The following NDST3 variants were observed in gnomAD, a reference collection of about 807,000 sequenced individuals.
NDST3 encodes bifunctional heparan sulfate N-deacetylase/N-sulfotransferase 3.
Under a neutral mutation model 96.1 loss-of-function variants are expected in NDST3, and 58 were observed. That is an observed-to-expected ratio of 0.60 (90% CI 0.49 to 0.75). The LOEUF (loss-of-function observed/expected upper bound fraction) is 0.75, where lower values mean the gene tolerates loss of function less well. Among genes scored for constraint, NDST3 ranks in the 30% least tolerant of loss-of-function variants. The pLI, the probability that NDST3 is intolerant of heterozygous loss-of-function variation, is 0.00. For missense variants in NDST3, 788 were observed against 1,034.2 expected (o/e 0.76, Z 3.27); for synonymous variants, 333 against 359.7 (o/e 0.93, Z 0.84).
chr4:118,187,375 A>T (rs1279390602), intron 6 of NDST3, among the ~76,000 whole-genome samples: 1 of 152,242 alleles, frequency 6.6e-6, no homozygotes, highest in Non-Finnish European at 1.5e-5. Flanking sequence ...TCCCAACCAC[A>T]GAAAGAGCGA....
intron 2 of NDST3, among the ~76,000 whole-genome samples, chr4:118,069,341 G>A (rs1158405213): frequency 2.0e-5 from 3 of 152,006 alleles, no homozygotes; most frequent in Admixed American, 6.6e-5. Flanking sequence ...GAATTATATA[G>A]GTGGGATAGA....
intron 2 of NDST3, among the ~76,000 whole-genome samples, chr4:118,066,299 TTATGTATTA>T (rs1348452768): frequency 5.2e-4 from 3 of 5,776 alleles, no homozygotes; most frequent in Non-Finnish European, 1.9e-3. Context: ...ATTATATATA[TTATGTATTA>T]TATATATTAT....
intron 6 of NDST3, among the ~76,000 whole-genome samples, chr4:118,186,216 G>A (rs1736947169): frequency 6.6e-6 from 1 of 152,062 alleles, no homozygotes; most frequent in Admixed American, 6.6e-5. Context: ...GTTTGGTCTG[G>A]TCTGCTGGGG....
intron 12 of NDST3, among the ~76,000 whole-genome samples, chr4:118,249,416 T>C (rs1192177954): frequency 3.9e-5 from 6 of 152,196 alleles, no homozygotes; most frequent in East Asian, 1.9e-4. Context: ...TCCCAAAGGC[T>C]TTCATGTACA....
chr4:118,225,972 A>G (rs1392702118), intron 7 of NDST3, among the ~76,000 whole-genome samples: 1 of 152,128 alleles, frequency 6.6e-6, no homozygotes, highest in Non-Finnish European at 1.5e-5. Context: ...ATTTCAGGTG[A>G]CAAGTTTTAA....
intron 6 of NDST3, among the ~76,000 whole-genome samples, chr4:118,212,343 A>G (rs1738853778): frequency 1.3e-5 from 2 of 152,188 alleles, no homozygotes; most frequent in Non-Finnish European, 2.9e-5. Flanking sequence ...GTTTGAGACC[A>G]GCCTGAGCAA....
intron 2 of NDST3, among the ~76,000 whole-genome samples, chr4:118,072,743 G>A (rs1474437792): frequency 1.3e-5 from 2 of 152,036 alleles, no homozygotes; most frequent in African/African-American, 4.8e-5. Context: ...GATTTCTCTG[G>A]ATAGGATTTC....
In NDST3 at chr4:118,107,974, G is replaced by C. The variant is rs1358296590; in HGVS notation, c.1069+2869G>C. 3.5e-4 allele frequency among the ~76,000 whole-genome samples: 53 copies of C among 152,186 alleles called. 1 individual carries two copies. Among genetic ancestry groups the C allele is most frequent in the Non-Finnish European group, 1.3e-4 (9 of 68,014 alleles). On this transcript the variant is annotated intron_variant, in intron 3 of 13. Transcript: ENST00000296499. The stretch of plus-strand genomic sequence containing the variant: ...GTTTAAAGGACTCACAGTTCCACAT[G>C]GCTGGGGAGGCCTCACAATCATGGC...
chr4:118,165,537 C>G (rs980198129), intron 6 of NDST3, among the ~76,000 whole-genome samples: 28 of 151,816 alleles, frequency 1.8e-4, no homozygotes, highest in African/African-American at 6.5e-4. Context: ...AATAAGAAAA[C>G]AATACTTGAA....
chr4:118,063,593 A>G (rs1016595559), intron 2 of NDST3, among the ~76,000 whole-genome samples: 16 of 152,092 alleles, frequency 1.1e-4, no homozygotes, highest in Middle Eastern at 3.2e-3. Flanking sequence ...TTGTATCTCT[A>G]TGCTGGTGAT....
intron 12 of NDST3, among the ~76,000 whole-genome samples, chr4:118,243,056 T>C (rs1741102892): frequency 6.6e-6 from 1 of 151,914 alleles, no homozygotes; most frequent in African/African-American, 2.4e-5. Flanking sequence ...CTGAGTTGGA[T>C]TGGGTCATGG....
intron 1 of NDST3, among the ~76,000 whole-genome samples, chr4:118,035,408 G>C (rs577150733): frequency 6.7e-6 from 1 of 149,758 alleles, no homozygotes; most frequent in Admixed American, 6.7e-5. Flanking sequence ...TGAGATGTGT[G>C]CAACTGATCT....
At chr4:118,233,183 A>T in intron 9 of NDST3, 48 bp downstream of exon 9, 3 of 1,434,736 alleles carry the variant, frequency 2.1e-6, no homozygotes, top group Non-Finnish European at 2.8e-6. Context: ...TACTGTGCAC[A>T]GTATAAACTT....
chr4:118,240,396 T>A, intron 10 of NDST3, 128 bp from the exon 11 acceptor site: 1 of 698,008 alleles, frequency 1.4e-6, no homozygotes, highest in Non-Finnish European at 2.1e-6. Flanking sequence ...TTTACTAATT[T>A]CAAAATAGAT....
At chr4:118,042,259 C>T (rs1053859440) in intron 1 of NDST3, among the ~76,000 whole-genome samples, 1 of 152,108 alleles carries the variant, frequency 6.6e-6, no homozygotes, top group Non-Finnish European at 1.5e-5. Context: ...AAGACTGCTA[C>T]CTCCCCCAAC....
At chr4:118,139,505 G>A (rs936014378) in intron 5 of NDST3, among the ~76,000 whole-genome samples, 9 of 152,234 alleles carry the variant, frequency 5.9e-5, no homozygotes, top group Non-Finnish European at 8.8e-5. Context: ...CACAATAAGC[G>A]AGAGAAAATA....
intron 2 of NDST3, among the ~76,000 whole-genome samples, chr4:118,102,997 T>C (rs924215013): frequency 3.3e-5 from 5 of 152,128 alleles, no homozygotes; most frequent in African/African-American, 1.2e-4. Context: ...CTTAAATCAT[T>C]GTATTCTAGT....
chr4:118,237,156 T>C lies in NDST3; in HGVS notation c.2054T>C (p.Val685Ala). The C allele has an allele frequency of 6.2e-7, 1 of 1,613,730 alleles. No individual in the cohort carries two copies. Among genetic ancestry groups the C allele is most frequent in the Non-Finnish European group, 8.5e-7 (1 of 1,179,818 alleles). ...GCCCCTAAAAGAGCTGCTTCTCTGG[T>C]TCCCAAAGCCAAGATTATCACCATT... The part of the protein sequence containing the change: ...EEAPKRAASL[V>A]PKAKIITILI... Residue 685 changes from valine to alanine, a missense_variant, in exon 10 of 14, where the codon GTT becomes GCT. This residue lies in a region of NDST3 where 490 missense variants were observed against 708.8 expected (regional missense o/e 0.69). Transcript: ENST00000296499.
intron 2 of NDST3, among the ~76,000 whole-genome samples, chr4:118,057,897 C>G (rs1030439826): frequency 6.6e-6 from 1 of 151,994 alleles, no homozygotes; most frequent in Non-Finnish European, 1.5e-5. Context: ...GACCAACCGT[C>G]CTGGTTTGTC....
Sources: allele counts gnomAD v4.1 joint callset (sites outside exome capture counted in the v4.1 genomes callset), GRCh38; gene constraint gnomAD v4.1.1; regional missense constraint gnomAD v4.1.1; transcripts MANE v1.5; gene names NCBI Gene and HGNC (gene_info 2026-07-23, HGNC 2026-07-21).